PLEKHA5: variants seen among roughly 807,000 people sequenced by gnomAD.
PLEKHA5 encodes the protein pleckstrin homology domain containing A5, also known as pleckstrin homology domain-containing family A member 5.
A neutral mutation model predicts 181.9 loss-of-function variants in PLEKHA5; 55 were observed. The observed-to-expected ratio is 0.30, with a 90% CI of 0.24 to 0.38. PLEKHA5 has a LOEUF of 0.38. Among genes scored for constraint, PLEKHA5 ranks in the 10% least tolerant of loss-of-function variants. The pLI is 1.00. For missense variants in PLEKHA5, 1,432 were observed against 1,549.5 expected, an observed-to-expected ratio of 0.92 and a Z score of 1.27; for synonymous variants, 535 against 529.4, an observed-to-expected ratio of 1.01 and a Z score of -0.15.
chr12:19,309,831 A>C (rs1244841764), intron 15 of PLEKHA5, among the ~76,000 whole-genome samples: 1 of 152,174 alleles, frequency 6.6e-6, no homozygotes, highest in East Asian at 1.9e-4. Context: ...CAGTGATTTC[A>C]TGTTATATAT....
chr12:19,156,097 T>G (rs963839876), intron 3 of PLEKHA5, among the ~76,000 whole-genome samples: 2 of 152,238 alleles, frequency 1.3e-5, no homozygotes, highest in African/African-American at 4.8e-5. Flanking sequence ...AGCTTTCCTA[T>G]ATCAGTTATC....
At chr12:19,284,077 GT>G (rs2076727037) in intron 12 of PLEKHA5, among the ~76,000 whole-genome samples, 1 of 151,930 alleles carries the variant, frequency 6.6e-6, no homozygotes, top group Admixed American at 6.6e-5. Context: ...TGTTGTTGTT[GT>G]TTTGTTTTGA....
rs2303889 is a variant in PLEKHA5, at chr12:19,320,467, A to G, written c.2155-95A>G. On this transcript the variant is annotated intron_variant, in intron 17 of 31. Transcript: ENST00000429027. Reference sequence around the variant, plus strand: ...CATTAAAATCTATTTTTGTTATGTTATATATATTTAATATAAATCCAAAGT... The same window carrying G: ...CATTAAAATCTATTTTTGTTATGTTGTATATATTTAATATAAATCCAAAGT... 1.4e-4 allele frequency: 82 copies of G among 592,110 alleles called. No homozygotes were observed. In the East Asian group the frequency reaches 2.5e-3, roughly 18 times the overall value. The allele number at this position is 592,110 out of a possible 1,614,324, so 36.7% of individuals were successfully genotyped here.
At chr12:19,284,661 A>G (rs544801398) in intron 12 of PLEKHA5, among the ~76,000 whole-genome samples, 33 of 152,354 alleles carry the variant, frequency 2.2e-4, no homozygotes, top group South Asian at 4.1e-4. Flanking sequence ...AGTGAATTCA[A>G]AGTGCTTTGT....
chr12:19,178,714 T>C (rs190978212), intron 3 of PLEKHA5, among the ~76,000 whole-genome samples: 89 of 152,346 alleles, frequency 5.8e-4, no homozygotes, highest in Non-Finnish European at 1.0e-3. Flanking sequence ...ATTGCTTTTA[T>C]TGTGTCCTTA....
intron 3 of PLEKHA5, chr12:19,207,765 A>T (rs1488248348): frequency 6.6e-6 from 1 of 152,194 alleles, no homozygotes; most frequent in Non-Finnish European, 1.5e-5. Flanking sequence ...GCATTTCAGT[A>T]ATTGTAACTA....
chr12:19,181,603 C>T (rs911769941), intron 3 of PLEKHA5, among the ~76,000 whole-genome samples: 12 of 152,106 alleles, frequency 7.9e-5, no homozygotes, highest in African/African-American at 2.4e-4. Context: ...GGTGAAACCC[C>T]GTCTCTACTA....
intron 3 of PLEKHA5, among the ~76,000 whole-genome samples, chr12:19,163,224 T>A (rs1244827230): frequency 6.6e-6 from 1 of 151,820 alleles, no homozygotes; most frequent in Non-Finnish European, 1.5e-5. Context: ...TCGCCCAGGC[T>A]GGAGTGCAGT....
At position 19,258,561 on chromosome 12, in the gene PLEKHA5, C is replaced by CTTTTTTTTTTTTTTTTTT. The variant is rs71440398; in HGVS notation, c.537+1039_537+1040insTTTTTTTTTTTTTTTTTT. Among the ~76,000 whole-genome samples, 10 of 123,804 alleles carry CTTTTTTTTTTTTTTTTTT rather than the reference C, an allele frequency of 8.1e-5. 1 individual carries two copies. Among genetic ancestry groups the CTTTTTTTTTTTTTTTTTT allele is most frequent in the Admixed American group, 9.3e-5 (1 of 10,766 alleles). The allele number at this position is 123,804 out of a possible 152,430, so 81.2% of individuals were successfully genotyped here. Reference sequence around the variant, plus strand: ...TTTAGTTTCTTTTTTTTTTCTTTTTCTTTTTTTTTTTTTTTGTGAGACAGG... The same window carrying CTTTTTTTTTTTTTTTTTT: ...TTTAGTTTCTTTTTTTTTTCTTTTTCTTTTTTTTTTTTTTTTTTTTTTTTTTTTTTTTTGTGAGACAGG... On this transcript the variant is annotated intron_variant, in intron 6 of 31. Transcript: ENST00000429027.
At chr12:19,329,959 G>A (rs1041700395) in intron 20 of PLEKHA5, among the ~76,000 whole-genome samples, 7 of 151,690 alleles carry the variant, frequency 4.6e-5, no homozygotes, top group Admixed American at 1.3e-4. Flanking sequence ...GCGCAGTGGC[G>A]TGTGCCTGGA....
intron 3 of PLEKHA5, among the ~76,000 whole-genome samples, chr12:19,206,293 A>G (rs1202358261): frequency 1.3e-5 from 2 of 151,974 alleles, no homozygotes; most frequent in Non-Finnish European, 2.9e-5. Context: ...ATATTATGTA[A>G]TATTTAAAAT....
At position 19,257,956 on chromosome 12, in the gene PLEKHA5, A is replaced by G. The variant is rs530725195; in HGVS notation, c.537+419A>G. Among the ~76,000 whole-genome samples the G allele has an allele frequency of 2.0e-5, 3 of 152,230 alleles. No homozygotes were observed. The East Asian group carries it at 5.8e-4, about 29-fold the overall frequency. On this transcript the variant is annotated intron_variant, in intron 6 of 31. Transcript: ENST00000429027. ...ACAGTTGTATATTTCCCCCCTTTAT[A>G]CAGAAATTTTACAATAATTTCAGAT...
At chr12:19,143,187 C>G (rs1476874244) in intron 3 of PLEKHA5, among the ~76,000 whole-genome samples, 1 of 152,102 alleles carries the variant, frequency 6.6e-6, no homozygotes, top group Non-Finnish European at 1.5e-5. Context: ...TTTTTAATTT[C>G]TTGAGGAACC....
At chr12:19,245,066 T>A (rs1405232079) in intron 3 of PLEKHA5, among the ~76,000 whole-genome samples, 1 of 152,170 alleles carries the variant, frequency 6.6e-6, no homozygotes, top group Non-Finnish European at 1.5e-5. Context: ...TAAAACATTT[T>A]TCTGAAGGTA....
chr12:19,159,898 T>TTATA (rs1021527768), intron 3 of PLEKHA5, among the ~76,000 whole-genome samples: 3 of 152,150 alleles, frequency 2.0e-5, no homozygotes, highest in Non-Finnish European at 4.4e-5. Context: ...TCATGCATAA[T>TTATA]TATATATAAT....
At chr12:19,173,684 A>G (rs2151719786) in intron 3 of PLEKHA5, among the ~76,000 whole-genome samples, 1 of 152,298 alleles carries the variant, frequency 6.6e-6, no homozygotes, top group Non-Finnish European at 1.5e-5. Context: ...GAACAGGACA[A>G]AGAAGAGGAA....
chr12:19,225,117 T>A (rs894607795), intron 3 of PLEKHA5, among the ~76,000 whole-genome samples: 1 of 152,194 alleles, frequency 6.6e-6, no homozygotes, highest in African/African-American at 2.4e-5. Context: ...TTGCAATCCC[T>A]TGATTCCATA....
intron 3 of PLEKHA5, among the ~76,000 whole-genome samples, chr12:19,171,880 A>G (rs909159273): frequency 2.0e-5 from 3 of 152,218 alleles, no homozygotes; most frequent in Non-Finnish European, 4.4e-5. Flanking sequence ...ACACAGGGTC[A>G]GGATCATCAG....
chr12:19,130,379 G>T lies in PLEKHA5; in HGVS notation c.169+249G>T, dbSNP rs12319276. On this transcript the variant is annotated intron_variant, in intron 2 of 31. Transcript: ENST00000429027. This position sits in a 1 kb window ranked among gnomAD's most constrained non-coding sequence, Gnocchi z 4.5. ...CTTGGAGACGGCGCCCTCTTCCTGC[G>T]CCTTCTCCCCCCATCCCAGCCTAGA... Among the ~76,000 whole-genome samples the T allele has an allele frequency of 6.6e-5, 10 of 151,804 alleles. No homozygotes were observed. The highest frequency in any genetic ancestry group is 2.4e-4 in the African/African-American group (10 of 41,360).
Sources: gnomAD v4.1 joint callset for allele counts (sites outside exome capture counted in the v4.1 genomes callset) on GRCh38, gnomAD v4.1.1 for gene constraint, Gnocchi (gnomAD v3.1) non-coding constraint, MANE v1.5 for transcripts, NCBI Gene and HGNC (gene_info 2026-07-23, HGNC 2026-07-21) for gene names.